The following SCUBE1 variants were observed in gnomAD, a reference collection of about 807,000 sequenced individuals.
The protein encoded by SCUBE1 is signal peptide, CUB and EGF-like domain-containing protein 1.
A neutral mutation model predicts 124.4 loss-of-function variants in SCUBE1; 59 were observed. The ratio of observed to expected loss-of-function variants is 0.47; its 90% CI spans 0.38 to 0.59. The LOEUF is 0.59. Ranked by LOEUF, SCUBE1 falls within the 20% of genes least tolerant of loss-of-function variation. SCUBE1 has a pLI of 0.00. For synonymous variants in SCUBE1, 545 were observed against 550.9 expected (o/e 0.99, Z 0.15); for missense variants, 1,150 against 1,371.2 (o/e 0.84, Z 2.55).
intron 3 of SCUBE1, among the ~76,000 whole-genome samples, chr22:43,314,558 C>A (rs917959081): frequency 6.6e-5 from 10 of 152,156 alleles, no homozygotes; most frequent in African/African-American, 2.2e-4. Flanking sequence ...CCTACCACTC[C>A]ACATTACATG....
chr22:43,291,299 C>CT, intron 3 of SCUBE1, 119 bp from the exon 4 acceptor site: 6 of 1,077,242 alleles, frequency 5.6e-6, no homozygotes, highest in South Asian at 1.5e-5. Flanking sequence ...GGGAGGGACT[C>CT]CAGAGAGGGC....
intron 16 of SCUBE1, chr22:43,213,309 T>C (rs1921654829): frequency 6.6e-6 from 1 of 152,194 alleles, no homozygotes; most frequent in African/African-American, 2.4e-5. Context: ...GGAGTGGGCG[T>C]GGGCCAGAGA....
At position 43,343,291 on chromosome 22, in the gene SCUBE1, G is replaced by C; in HGVS notation, c.-30C>G. Reference sequence around the variant, plus strand: ...AATGCGGGCCCCGCTGGGCGTGCGGGCGTGCGGGGCGCGGGGACCCGACCG... The same window carrying C: ...AATGCGGGCCCCGCTGGGCGTGCGGCCGTGCGGGGCGCGGGGACCCGACCG... On this transcript the variant is annotated 5_prime_UTR_variant, in exon 1 of 22. Transcript: ENST00000360835. The C allele has an allele frequency of 9.4e-7, 1 of 1,062,354 alleles. No homozygotes were observed. Among genetic ancestry groups the C allele is most frequent in the Non-Finnish European group, 1.1e-6 (1 of 875,372 alleles). 65.8% of individuals were successfully genotyped at this position (1,062,354 alleles called of 1,614,324 possible).
intron 8 of SCUBE1, among the ~76,000 whole-genome samples, chr22:43,231,269 C>T (rs1295264054): frequency 6.6e-6 from 1 of 152,234 alleles, no homozygotes; most frequent in Non-Finnish European, 1.5e-5. Context: ...CACTGCCAGC[C>T]TCTGGGCTCC....
chr22:43,247,648 C>T (rs558861628), intron 6 of SCUBE1, among the ~76,000 whole-genome samples: 20 of 152,328 alleles, frequency 1.3e-4, no homozygotes, highest in Admixed American at 4.6e-4. Flanking sequence ...CCACCTGGCC[C>T]GCCCTTAGCT....
At chr22:43,290,915 A>C in intron 4 of SCUBE1, 131 bp downstream of exon 4, 2 of 983,674 alleles carry the variant, frequency 2.0e-6, no homozygotes, top group Non-Finnish European at 2.9e-6. Context: ...CGTGCAAAAC[A>C]GTCATTCAGA....
At chr22:43,287,767 G>A (rs538341900) in intron 4 of SCUBE1, among the ~76,000 whole-genome samples, 1 of 152,338 alleles carries the variant, frequency 6.6e-6, no homozygotes, top group Non-Finnish European at 1.5e-5. Context: ...GGAATCAGAG[G>A]TCACTTGTCT....
At chr22:43,240,257 G>A (rs1203159707) in intron 6 of SCUBE1, among the ~76,000 whole-genome samples, 2 of 152,170 alleles carry the variant, frequency 1.3e-5, no homozygotes, top group African/African-American at 2.4e-5. Flanking sequence ...TTCCTGGCTC[G>A]TCCTCTGTGT....
chr22:43,212,533 C>T lies in SCUBE1; in HGVS notation c.2113G>A (p.Val705Met), dbSNP rs775675167. Reference sequence around the variant, plus strand: ...CCGGGCTCAGGCTGGTACGTGCCCACGGGGCAGGCCTGGCAGGGCTTGAAG... The same window carrying T: ...CCGGGCTCAGGCTGGTACGTGCCCATGGGGCAGGCCTGGCAGGGCTTGAAG... ...DGFKPCQACP[V>M]GTYQPEPGRT... Residue 705 changes from valine to methionine, a missense_variant, in exon 17 of 22, where the codon GTG (valine) becomes ATG (methionine). Val to Met is a conservative substitution (Grantham distance 21). Around this residue, in one of 3 missense-constraint regions of SCUBE1, gnomAD observed 757 missense variants for 840.9 expected, o/e 0.90. Coordinates refer to ENST00000360835, the MANE Select transcript of SCUBE1 (RefSeq NM_173050.5). 2.1e-5 allele frequency: 33 copies of T among 1,562,662 alleles called. No individual in the cohort carries two copies. The highest frequency in any genetic ancestry group is 1.7e-4 in the Middle Eastern group (1 of 5,742).
intron 13 of SCUBE1, among the ~76,000 whole-genome samples, 194 bp downstream of exon 13, chr22:43,220,979 T>C (rs149831977): frequency 5.6e-4 from 86 of 152,276 alleles, no homozygotes; most frequent in African/African-American, 1.9e-3. Flanking sequence ...GGGCCCCTCG[T>C]ACCAAGCTTG....
At chr22:43,320,215 T>C (rs958485240) in intron 2 of SCUBE1, 150 bp from the exon 3 acceptor site, 1 of 935,932 alleles carries the variant, frequency 1.1e-6, no homozygotes, top group East Asian at 2.6e-5. Flanking sequence ...ACTCAAGTAT[T>C]ATAAAAATGC....
At chr22:43,265,928 C>A (rs1166975661) in intron 4 of SCUBE1, among the ~76,000 whole-genome samples, 1 of 152,054 alleles carries the variant, frequency 6.6e-6, no homozygotes, top group African/African-American at 2.4e-5. Context: ...TGGTAAAACC[C>A]CGTCTCTACT....
chr22:43,236,935 C>T (rs1019681787), intron 7 of SCUBE1, among the ~76,000 whole-genome samples: 1 of 152,188 alleles, frequency 6.6e-6, no homozygotes, highest in Non-Finnish European at 1.5e-5. Context: ...CGTGAGCGAG[C>T]GAGTGAGATG....
chr22:43,278,538 A>G (rs1160368512), intron 4 of SCUBE1, among the ~76,000 whole-genome samples: 5 of 152,306 alleles, frequency 3.3e-5, no homozygotes, highest in East Asian at 3.9e-4. Flanking sequence ...CCCAGATCCT[A>G]TAGGAATCCC....
At chr22:43,286,198 T>C (rs535496689) in intron 4 of SCUBE1, among the ~76,000 whole-genome samples, 36 of 152,340 alleles carry the variant, frequency 2.4e-4, no homozygotes, top group African/African-American at 8.7e-4. Context: ...TTTTTAACCC[T>C]ACGAAGCAGG....
chr22:43,247,254 T>G (rs1409267729), intron 6 of SCUBE1, among the ~76,000 whole-genome samples: 2 of 152,204 alleles, frequency 1.3e-5, no homozygotes, highest in Non-Finnish European at 2.9e-5. Context: ...GTGCCTCAGC[T>G]AAGCTTCTCC....
At chr22:43,288,836 G>A (rs943152348) in intron 4 of SCUBE1, among the ~76,000 whole-genome samples, 2 of 152,236 alleles carry the variant, frequency 1.3e-5, no homozygotes, top group Non-Finnish European at 2.9e-5. Context: ...TTTGGGCAGT[G>A]CTCAGGCCCG....
chr22:43,248,606 A>G (rs1478279789), intron 6 of SCUBE1, among the ~76,000 whole-genome samples: 1 of 152,210 alleles, frequency 6.6e-6, no homozygotes, highest in Non-Finnish European at 1.5e-5. Flanking sequence ...GTGTAGCCTG[A>G]CCACCTGATC....
In SCUBE1 at chr22:43,222,642, G is replaced by A. The variant is rs1158544575; in HGVS notation, c.1428C>T (p.Cys476=). The change falls in exon 12 of 22, where the codon TGC becomes TGT. Residue 476 remains cysteine, a synonymous_variant. Transcript: ENST00000360835. ...TGGACAGGCCGGGGGGGTTACCTGA[G>A]CAGCTGGGCCCGAGGCCAGAGCTGG... ...NGTSSGLGPS[C]SDAPTTPIKQ... 1 of 1,586,206 alleles carries A rather than the reference G, an allele frequency of 6.3e-7. No homozygotes were observed. Among genetic ancestry groups the A allele is most frequent in the East Asian group, 2.3e-5 (1 of 43,914 alleles).
Sources: gnomAD v4.1 joint callset for allele counts (sites outside exome capture counted in the v4.1 genomes callset) on GRCh38, gnomAD v4.1.1 for gene constraint, gnomAD v4.1.1 regional missense constraint, MANE v1.5 for transcripts, NCBI Gene and HGNC (gene_info 2026-07-23, HGNC 2026-07-21) for gene names.